STK3: variants seen among roughly 807,000 people sequenced by gnomAD.
STK3 encodes serine/threonine-protein kinase 3.
Under a neutral mutation model 58.0 loss-of-function variants are expected in STK3, and 41 were observed. The ratio of observed to expected loss-of-function variants is 0.71; its 90% CI spans 0.55 to 0.92. STK3 has a LOEUF of 0.92. Ranked by LOEUF, STK3 falls within the 40% of genes least tolerant of loss-of-function variation. The pLI is 0.00. For missense variants in STK3, 479 were observed against 602.7 expected (o/e 0.79, Z 2.15); for synonymous variants, 170 against 191.0 (o/e 0.89, Z 0.91).
At chr8:98,867,047 A>C (rs556985356) in intron 3 of STK3, among the ~76,000 whole-genome samples, 2 of 152,286 alleles carry the variant, frequency 1.3e-5, no homozygotes, top group African/African-American at 4.8e-5. Context: ...TGGGCAGCAC[A>C]CCACGACATC....
At chr8:98,853,994 A>G (rs757967009) in intron 3 of STK3, among the ~76,000 whole-genome samples, 1 of 152,222 alleles carries the variant, frequency 6.6e-6, no homozygotes, top group Non-Finnish European at 1.5e-5. Context: ...CTGTGAGATC[A>G]ATATTACCTA....
At chr8:98,711,527 G>C (rs1006871440) in intron 4 of STK3, among the ~76,000 whole-genome samples, 1 of 152,092 alleles carries the variant, frequency 6.6e-6, no homozygotes, top group African/African-American at 2.4e-5. Context: ...TGGAAGAAAG[G>C]GTATCAGTGA....
At chr8:98,652,817 C>T (rs1821072296) in intron 6 of STK3, among the ~76,000 whole-genome samples, 1 of 151,098 alleles carries the variant, frequency 6.6e-6, no homozygotes, top group Non-Finnish European at 1.5e-5. Flanking sequence ...TACAGGAGCA[C>T]CCAGATTCAT....
chr8:98,349,613 C>T, the STK3 span, among the ~76,000 whole-genome samples: 1 of 152,234 alleles, frequency 6.6e-6, no homozygotes, highest in African/African-American at 2.4e-5. Context: ...AATACCTCAC[C>T]CCAGCAGCAA....
intron 6 of STK3, among the ~76,000 whole-genome samples, chr8:98,673,551 T>A (rs969205172): frequency 6.6e-6 from 1 of 151,216 alleles, no homozygotes; most frequent in Non-Finnish European, 1.5e-5. Context: ...ATAAAATATA[T>A]AAATCCATAA....
chr8:98,799,031 GT>G (rs1833354694), intron 1 of STK3, among the ~76,000 whole-genome samples: 2 of 152,156 alleles, frequency 1.3e-5, no homozygotes, highest in African/African-American at 4.8e-5. Flanking sequence ...GGACTTCCCA[GT>G]CTTTAGAACC....
chr8:98,863,978 C>T (rs529219250), intron 3 of STK3, among the ~76,000 whole-genome samples: 49 of 151,842 alleles, frequency 3.2e-4, no homozygotes, highest in Admixed American at 1.6e-3. Context: ...AGGCAGATCA[C>T]GAGGTCAGGA....
intron 8 of STK3, 118 bp downstream of exon 8, chr8:98,579,546 A>C: frequency 7.9e-7 from 1 of 1,259,718 alleles, no homozygotes; most frequent in Non-Finnish European, 1.1e-6. Flanking sequence ...TTGAGATTCA[A>C]TGAAAAAACA....
At chr8:98,504,460 A>G (rs1261068594) in intron 10 of STK3, among the ~76,000 whole-genome samples, 2 of 152,168 alleles carry the variant, frequency 1.3e-5, no homozygotes, top group Non-Finnish European at 2.9e-5. Context: ...TTTGCCCGTT[A>G]GTTGATGCAG....
intron 8 of STK3, among the ~76,000 whole-genome samples, chr8:98,573,151 A>G (rs1813098871): frequency 6.6e-6 from 1 of 152,160 alleles, no homozygotes; most frequent in South Asian, 2.1e-4. Context: ...GCCTTTAAGA[A>G]AGTTTCAGGA....
chr8:98,353,371 G>T, the STK3 span, among the ~76,000 whole-genome samples: 2 of 152,244 alleles, frequency 1.3e-5, no homozygotes, highest in Admixed American at 1.3e-4. Flanking sequence ...CATGCCTGTG[G>T]TCCCAGCTAC....
downstream of STK3, among the ~76,000 whole-genome samples, chr8:98,366,720 AC>A (rs910307968): frequency 1.4e-4 from 21 of 149,676 alleles, no homozygotes; most frequent in African/African-American, 4.9e-4. Flanking sequence ...TGCTCCACCC[AC>A]CCCCACCTGG....
chr8:98,897,160 C>T (rs973477943), intron 1 of STK3, among the ~76,000 whole-genome samples: 2 of 152,136 alleles, frequency 1.3e-5, no homozygotes, highest in African/African-American at 4.8e-5. Context: ...CCAATCGATC[C>T]CAATCCATCA....
chr8:98,597,991 G>C, intron 6 of STK3: 5 of 985,284 alleles, frequency 5.1e-6, no homozygotes, highest in Non-Finnish European at 6.0e-6. Context: ...TGCTGGAAAA[G>C]GCACACAAAA....
chr8:98,766,190 T>A (rs908430400), intron 3 of STK3, among the ~76,000 whole-genome samples: 18 of 152,198 alleles, frequency 1.2e-4, no homozygotes, highest in African/African-American at 3.9e-4. Context: ...ACAATGAGTG[T>A]GCTATATTAC....
chr8:98,586,109 C>T lies in STK3; in HGVS notation c.823-6320G>A, dbSNP rs1814559167. ...TGATTTACTTCTCCTGCCTGATTGCCCTGGCCAGAACTTCCAACACTATGT... is the reference window on the plus strand; with the variant it reads ...TGATTTACTTCTCCTGCCTGATTGCTCTGGCCAGAACTTCCAACACTATGT... On this transcript the variant is annotated intron_variant, in intron 7 of 10. Coordinates refer to ENST00000419617, the MANE Select transcript of STK3 (RefSeq NM_006281.4). Among the ~76,000 whole-genome samples, 3 of 151,916 alleles carry T rather than the reference C, an allele frequency of 2.0e-5. No individual in the cohort carries two copies. The South Asian group carries it at 6.2e-4, about 32-fold the overall frequency.
chr8:98,873,127 G>C (rs532349438), intron 3 of STK3, among the ~76,000 whole-genome samples: 21 of 152,234 alleles, frequency 1.4e-4, no homozygotes, highest in Non-Finnish European at 2.4e-4. Flanking sequence ...AGGTTGTTCA[G>C]TTTCCATGTA....
At chr8:98,700,464 C>T (rs796960581) in intron 6 of STK3, among the ~76,000 whole-genome samples, 4 of 152,234 alleles carry the variant, frequency 2.6e-5, no homozygotes, top group South Asian at 2.1e-4. Context: ...GCGTCGCTCA[C>T]GCTGGGAGCT....
intron 3 of STK3, among the ~76,000 whole-genome samples, chr8:98,422,202 T>C (rs1445535711): frequency 6.6e-6 from 1 of 152,194 alleles, no homozygotes; most frequent in Admixed American, 6.5e-5. Flanking sequence ...GCAAAAGCCA[T>C]ATAAACATTT....
Sources: allele counts gnomAD v4.1 joint callset (sites outside exome capture counted in the v4.1 genomes callset), GRCh38; gene constraint gnomAD v4.1.1; transcripts MANE v1.5; gene names NCBI Gene and HGNC (gene_info 2026-07-23, HGNC 2026-07-21).